Variants in EPB42 observed in about 807,000 individuals in gnomAD.
EPB42 encodes the protein protein 4.2.
Under a neutral mutation model 76.9 loss-of-function variants are expected in EPB42, and 49 were observed. The observed-to-expected ratio is 0.64, with a 90% CI of 0.51 to 0.81. The LOEUF is 0.81. Ranked by LOEUF, EPB42 falls within the 30% of genes least tolerant of loss-of-function variation. The pLI, the probability that EPB42 is intolerant of heterozygous loss-of-function variation, is 0.00. For missense variants in EPB42, 731 were observed against 867.6 expected (o/e 0.84, Z 1.98); for synonymous variants, 310 against 338.4 (o/e 0.92, Z 0.92).
At chr15:43,223,834 C>A (rs1240023955), upstream of EPB42, among the ~76,000 whole-genome samples, 1 of 152,148 alleles carries the variant, frequency 6.6e-6, no homozygotes, top group Non-Finnish European at 1.5e-5. Flanking sequence ...ATTAGCCAGA[C>A]ATGGTGGTGG....
At position 43,211,646 on chromosome 15, in the gene EPB42, A is replaced by C. The variant is rs1324110238; in HGVS notation, c.431-112T>G. 5 of 789,806 alleles carry C rather than the reference A, an allele frequency of 6.3e-6. No homozygotes were observed. The Admixed American group carries it at 8.7e-5, about 14-fold the overall frequency. 48.9% of individuals were successfully genotyped at this position (789,806 alleles called of 1,614,324 possible). On this transcript the variant is annotated intron_variant, in intron 3 of 12. Coordinates refer to ENST00000441366, the MANE Select transcript of EPB42 (RefSeq NM_001114134.2). ...AGGTTTGGCTGCAGGCCACCCCGTC[A>C]GCTCTGGGCCTAATGAAGACTGAGG...
intron 6 of EPB42, 111 bp from the exon 7 acceptor site, chr15:43,208,886 G>A: frequency 7.7e-7 from 1 of 1,298,088 alleles, no homozygotes. Context: ...TTGGAAAGAA[G>A]AGGAGTGCAG....
intron 11 of EPB42, 114 bp downstream of exon 11, chr15:43,203,001 T>G: frequency 2.3e-6 from 3 of 1,333,128 alleles, no homozygotes; most frequent in Non-Finnish European, 3.2e-6. Context: ...AAATGTAGCA[T>G]TTTCTGGTAA....
At chr15:43,207,995 A>G (rs934530717) in intron 8 of EPB42, among the ~76,000 whole-genome samples, 1 of 152,146 alleles carries the variant, frequency 6.6e-6, no homozygotes, top group Non-Finnish European at 1.5e-5. Context: ...TCCCTCACCC[A>G]CAGCTCTAAG....
intron 9 of EPB42, 132 bp downstream of exon 9, chr15:43,207,067 G>T: frequency 1.5e-6 from 2 of 1,341,114 alleles, no homozygotes; most frequent in East Asian, 2.5e-5. Context: ...GTGTCAAATG[G>T]GGTTGAGAAA....
Position 43,215,265 on chromosome 15 carries a change from C to CT in EPB42, c.259_260insA (p.Arg87GlnfsTer53). On this transcript the variant is annotated frameshift_variant, in exon 3 of 13. Transcript: ENST00000441366. LOFTEE classifies it high-confidence loss of function. ...CTCCACCACTGCACTCCACCACTTT[C>CT]GGTCCCCCAGACTGGAAATTGGGAA... 1.2e-6 allele frequency: 2 copies of CT among 1,614,120 alleles called. No individual in the cohort carries two copies. Among genetic ancestry groups the CT allele is most frequent in the Non-Finnish European group, 1.7e-6 (2 of 1,179,998 alleles).
At chr15:43,210,497 G>C in intron 4 of EPB42, 58 bp from the exon 5 acceptor site, 4 of 1,503,002 alleles carry the variant, frequency 2.7e-6, no homozygotes, top group Non-Finnish European at 3.7e-6. Flanking sequence ...CATGAGGAAG[G>C]GTCCCCAGGT....
In EPB42 at chr15:43,218,362, G is replaced by T. The variant is rs535451768; in HGVS notation, c.11-1909C>A. Among the ~76,000 whole-genome samples, 7 of 152,174 alleles carry T rather than the reference G, an allele frequency of 4.6e-5. No individual in the cohort carries two copies. The South Asian group carries it at 1.5e-3, about 32-fold the overall frequency. ...TTTGGATTCTTGTTCTGTCTAGAAG[G>T]CTCCCACCATCTCTTCTCTACCTGG... On this transcript the variant is annotated intron_variant, in intron 1 of 12. Coordinates refer to ENST00000441366, the MANE Select transcript of EPB42 (RefSeq NM_001114134.2).
rs759268312 is a variant in EPB42 at position 43,203,105 on chromosome 15, T to G, written c.1779+10A>C. 2 of 1,613,958 alleles carry G rather than the reference T, an allele frequency of 1.2e-6. No homozygotes were observed. The highest frequency in any genetic ancestry group is 2.7e-5 in the African/African-American group (2 of 74,908). ...AGACGAGGGCAACTCAGGGGAGGAC[T>G]GGTGCCTACCTTGATGGCAAGGTGT... On this transcript the variant is annotated intron_variant, in intron 11 of 12. Transcript: ENST00000441366.
chr15:43,217,295 T>C (rs1382603342), intron 1 of EPB42, among the ~76,000 whole-genome samples: 2 of 152,212 alleles, frequency 1.3e-5, no homozygotes, highest in Admixed American at 6.5e-5. Context: ...CATGTGAAGA[T>C]GTGCTTGCTT....
At chr15:43,207,588 G>T in intron 8 of EPB42, 147 bp from the exon 9 acceptor site, 1 of 1,319,108 alleles carries the variant, frequency 7.6e-7, no homozygotes, top group Non-Finnish European at 1.0e-6. Context: ...GGGTTTCTGA[G>T]AGAGTCACAG....
intron 1 of EPB42, among the ~76,000 whole-genome samples, chr15:43,217,093 T>C (rs1487628832): frequency 6.6e-6 from 1 of 152,190 alleles, no homozygotes; most frequent in African/African-American, 2.4e-5. Flanking sequence ...ACAGAAGTGA[T>C]ATGGTTTGGC....
upstream of EPB42, among the ~76,000 whole-genome samples, chr15:43,222,938 ATAT>A (rs1268469929): frequency 6.6e-6 from 1 of 152,246 alleles, no homozygotes; most frequent in East Asian, 1.9e-4. Context: ...ACCTTTAAAA[ATAT>A]TATGCAAAAC....
At chr15:43,224,310 C>T (rs570399459), upstream of EPB42, among the ~76,000 whole-genome samples, 1 of 152,316 alleles carries the variant, frequency 6.6e-6, no homozygotes, top group East Asian at 1.9e-4. Context: ...TTATAGGTCC[C>T]ATCTCCAAAT....
At chr15:43,219,214 A>T (rs1191780908) in intron 1 of EPB42, among the ~76,000 whole-genome samples, 2 of 152,168 alleles carry the variant, frequency 1.3e-5, no homozygotes, top group African/African-American at 4.8e-5. Flanking sequence ...GCACATCATC[A>T]TGTGGTTTTT....
intron 12 of EPB42, among the ~76,000 whole-genome samples, chr15:43,198,905 G>A (rs149988806): frequency 0.011 from 1,737 of 152,356 alleles, 18 homozygotes; most frequent in Middle Eastern, 0.024. Context: ...TTCAGAGGGT[G>A]GAAGCCGCAA....
chr15:43,211,051 G>A (rs887297478), intron 4 of EPB42, among the ~76,000 whole-genome samples: 7 of 152,170 alleles, frequency 4.6e-5, no homozygotes, highest in African/African-American at 1.7e-4. Context: ...CAGAGGGAAC[G>A]TTCAGCCTGT....
At position 43,215,288 on chromosome 15, in the gene EPB42, G is replaced by C; in HGVS notation, c.237C>G (p.Phe79Leu). 6.2e-7 allele frequency: 1 copy of C among 1,614,224 alleles called. No homozygotes were observed. ...TTCGGTCCCCCAGACTGGAAATTGG[G>C]AATGTGGCTTGGGTCCTGTTGATCT... The part of the protein sequence containing the change: ...PSKINRTQAT[F>L]PISSLGDRKW... Residue 79 changes from phenylalanine to leucine, a missense_variant, in exon 3 of 13, where the codon TTC becomes TTG. Transcript: ENST00000441366.
chr15:43,222,301 C>T (rs1566822270), upstream of EPB42, among the ~76,000 whole-genome samples: 1 of 152,090 alleles, frequency 6.6e-6, no homozygotes, highest in African/African-American at 2.4e-5. Flanking sequence ...AGTTTTCATA[C>T]CTGCAATCAA....
Sources: allele counts gnomAD v4.1 joint callset (sites outside exome capture counted in the v4.1 genomes callset), GRCh38; gene constraint gnomAD v4.1.1; transcripts MANE v1.5; gene names NCBI Gene and HGNC (gene_info 2026-07-23, HGNC 2026-07-21).